ZNG1E: variants seen among roughly 807,000 people sequenced by gnomAD.
The protein encoded by ZNG1E is zinc-regulated GTPase metalloprotein activator 1E.
the ZNG1E span, among the ~76,000 whole-genome samples, chr9:65,699,033 C>T: frequency 0.11 from 9,859 of 93,404 alleles, 13 homozygotes; most frequent in African/African-American, 0.23. Flanking sequence ...ATTACAGGCA[C>T]CCGCCACCAT....
chr9:65,709,598 C>T, the ZNG1E span, among the ~76,000 whole-genome samples: 52 of 133,100 alleles, frequency 3.9e-4, no homozygotes, highest in African/African-American at 8.9e-4. Context: ...TGAGAATATG[C>T]GGTGTTTGGT....
the ZNG1E span, among the ~76,000 whole-genome samples, chr9:65,715,117 C>T: frequency 6.7e-6 from 1 of 149,592 alleles, no homozygotes; most frequent in Non-Finnish European, 1.5e-5. Context: ...GTTTTTCAAG[C>T]CCGTCGGAAA....
chr9:65,703,743 G>T, the ZNG1E span: 83 of 963,846 alleles, frequency 8.6e-5, 7 homozygotes, highest in African/African-American at 1.5e-3. Context: ...TACAGCAGAG[G>T]CCTTAGATGA....
chr9:65,694,270 TGACAGATAACTGCTAA>T, the ZNG1E span, among the ~76,000 whole-genome samples: 1 of 149,788 alleles, frequency 6.7e-6, no homozygotes, highest in Non-Finnish European at 1.5e-5. Context: ...TATACCTATG[TGACAGATAACTGCTAA>T]GACATTTTGT....
the ZNG1E span, among the ~76,000 whole-genome samples, chr9:65,690,014 G>A: frequency 7.3e-6 from 1 of 136,434 alleles, no homozygotes; most frequent in Admixed American, 7.8e-5. Context: ...TAAGTTTTTG[G>A]GAAAAAAATC....
At chr9:65,660,532 G>A in the ZNG1E span, among the ~76,000 whole-genome samples, 2 of 152,270 alleles carry the variant, frequency 1.3e-5, no homozygotes, top group African/African-American at 4.8e-5. Context: ...AAATGGTAGA[G>A]TGTATTCGGT....
chr9:65,659,363 C>T, the ZNG1E span, among the ~76,000 whole-genome samples: 32 of 150,664 alleles, frequency 2.1e-4, no homozygotes, highest in South Asian at 6.3e-4. Flanking sequence ...GGCGTGGTGG[C>T]GCATGCCTGT....
the ZNG1E span, among the ~76,000 whole-genome samples, chr9:65,673,947 G>A: frequency 6.6e-6 from 1 of 152,300 alleles, no homozygotes; most frequent in Non-Finnish European, 1.5e-5. Flanking sequence ...GTGCTGAAGG[G>A]ACATCAAGCA....
At chr9:65,693,551 A>G in the ZNG1E span, 1 of 1,041,844 alleles carries the variant, frequency 9.6e-7, no homozygotes, top group Non-Finnish European at 1.3e-6. Flanking sequence ...TGAACATGTT[A>G]ATTTTTTTTT....
the ZNG1E span, among the ~76,000 whole-genome samples, chr9:65,664,744 A>G: frequency 6.6e-6 from 1 of 152,146 alleles, no homozygotes; most frequent in Non-Finnish European, 1.5e-5. Context: ...GAAAGTTTGG[A>G]GCTTCCTAGA....
At chr9:65,691,321 G>A in the ZNG1E span, among the ~76,000 whole-genome samples, 1 of 149,972 alleles carries the variant, frequency 6.7e-6, no homozygotes, top group Non-Finnish European at 1.5e-5. Flanking sequence ...GACTTCAGGT[G>A]ATCCGCCAGC....
At chr9:65,679,701 T>G in the ZNG1E span, among the ~76,000 whole-genome samples, 1 of 152,264 alleles carries the variant, frequency 6.6e-6, no homozygotes, top group Non-Finnish European at 1.5e-5. Flanking sequence ...ACTACAGGCA[T>G]GCGCCACCAT....
chr9:65,672,299 G>C, the ZNG1E span, among the ~76,000 whole-genome samples: 2 of 152,078 alleles, frequency 1.3e-5, no homozygotes, highest in African/African-American at 4.8e-5. Flanking sequence ...TAAAGTAAAT[G>C]AGACAAAATA....
At chr9:65,662,544 T>C in the ZNG1E span, among the ~76,000 whole-genome samples, 1 of 151,506 alleles carries the variant, frequency 6.6e-6, no homozygotes. Context: ...CTTTTGTAAG[T>C]TGAAATTGTT....
At chr9:65,677,663 G>A in the ZNG1E span, among the ~76,000 whole-genome samples, 3 of 152,116 alleles carry the variant, frequency 2.0e-5, no homozygotes, top group Non-Finnish European at 2.9e-5. Flanking sequence ...ATGTCAATCC[G>A]ACTGCGTCAC....
At chr9:65,658,261 A>G in the ZNG1E span, among the ~76,000 whole-genome samples, 3 of 152,262 alleles carry the variant, frequency 2.0e-5, no homozygotes, top group African/African-American at 7.2e-5. Flanking sequence ...GTCTTATGCT[A>G]TTTCAGAAAG....
At chr9:65,688,079 T>C in the ZNG1E span, among the ~76,000 whole-genome samples, 2 of 151,652 alleles carry the variant, frequency 1.3e-5, no homozygotes, top group African/African-American at 4.8e-5. Flanking sequence ...TACCTTTGCA[T>C]TTACTGTGAT....
At chr9:65,665,130 G>T in the ZNG1E span, among the ~76,000 whole-genome samples, 2 of 152,272 alleles carry the variant, frequency 1.3e-5, no homozygotes, top group African/African-American at 4.8e-5. Context: ...CAAGCTGGCT[G>T]CAGAAATTTG....
chr9:65,663,229 G>A, the ZNG1E span, among the ~76,000 whole-genome samples: 1,134 of 151,680 alleles, frequency 7.5e-3, 1 homozygote, highest in African/African-American at 0.026. Flanking sequence ...TAATCTCCCA[G>A]GAATGTAACC....
Sources: gnomAD v4.1 joint callset for allele counts (sites outside exome capture counted in the v4.1 genomes callset) on GRCh38, gnomAD v4.1.1 for gene constraint, MANE v1.5 for transcripts, NCBI Gene and HGNC (gene_info 2026-07-23, HGNC 2026-07-21) for gene names.